Variants in TBL1XR1 observed in about 807,000 individuals in gnomAD.
TBL1XR1 encodes the protein TBL1X/Y related 1.
Under a neutral mutation model 66.9 loss-of-function variants are expected in TBL1XR1, and 5 were observed. That is an observed-to-expected ratio of 0.07 (90% CI 0.04 to 0.16). TBL1XR1 has a LOEUF of 0.16. Among genes scored for constraint, TBL1XR1 ranks in the 10% least tolerant of loss-of-function variants. The pLI is 1.00. For synonymous variants in TBL1XR1, 210 were observed against 206.0 expected, an observed-to-expected ratio of 1.02 and a Z score of -0.17; for missense variants, 238 against 623.2, an observed-to-expected ratio of 0.38 and a Z score of 6.58.
chr3:177,081,700 T>A (rs907955683), intron 2 of TBL1XR1, among the ~76,000 whole-genome samples: 6 of 149,452 alleles, frequency 4.0e-5, no homozygotes, highest in African/African-American at 1.5e-4. Flanking sequence ...GTGACTGCGC[T>A]GCATGCACTC....
chr3:177,112,107 A>ATATATATATATATATATTT, intron 1 of TBL1XR1, among the ~76,000 whole-genome samples: 2 of 37,646 alleles, frequency 5.3e-5, no homozygotes, highest in Non-Finnish European at 4.5e-5. Flanking sequence ...ATATATATAT[A>ATATATATATATATATATTT]TTTTTTTTTT....
intron 1 of TBL1XR1, among the ~76,000 whole-genome samples, chr3:177,125,001 C>T (rs1727435482): frequency 6.6e-6 from 1 of 151,782 alleles, no homozygotes; most frequent in Admixed American, 6.6e-5. Context: ...ATCTTTATGA[C>T]CTTGGATTAG....
chr3:177,095,215 AG>A (rs904883185), intron 2 of TBL1XR1, among the ~76,000 whole-genome samples: 22 of 151,658 alleles, frequency 1.5e-4, no homozygotes, highest in South Asian at 4.2e-4. Flanking sequence ...CTAGGGGGAG[AG>A]GGGGGTGTTG....
chr3:177,120,893 A>G (rs1726907024), intron 1 of TBL1XR1: 1 of 152,188 alleles, frequency 6.6e-6, no homozygotes. Context: ...AAAGACAGGA[A>G]TTTACTGGTC....
At chr3:177,192,837 C>T (rs1037259409) in intron 1 of TBL1XR1, among the ~76,000 whole-genome samples, 1 of 152,082 alleles carries the variant, frequency 6.6e-6, no homozygotes, top group African/African-American at 2.4e-5. Context: ...GTTGACTGTC[C>T]CCTTACACTG....
intron 1 of TBL1XR1, among the ~76,000 whole-genome samples, chr3:177,172,929 T>C (rs976545460): frequency 1.7e-4 from 26 of 152,106 alleles, no homozygotes; most frequent in African/African-American, 6.0e-4. Context: ...TCCCAGCACT[T>C]TGGGAGGCCA....
chr3:177,063,800 C>T (rs377755168), intron 3 of TBL1XR1, among the ~76,000 whole-genome samples: 53 of 152,248 alleles, frequency 3.5e-4, no homozygotes, highest in African/African-American at 1.1e-3. Context: ...CTCTCTTTCC[C>T]TCCCTGTCCT....
chr3:177,123,337 A>G (rs1727216801), intron 1 of TBL1XR1, among the ~76,000 whole-genome samples: 1 of 152,110 alleles, frequency 6.6e-6, no homozygotes, highest in South Asian at 2.1e-4. Flanking sequence ...ATTGATTTAC[A>G]TCACTCATTG....
chr3:177,061,044 G>A (rs751863258), intron 3 of TBL1XR1, among the ~76,000 whole-genome samples: 17 of 152,316 alleles, frequency 1.1e-4, no homozygotes, highest in Non-Finnish European at 1.9e-4. Flanking sequence ...AGTAATTTGC[G>A]TAGGGTGAAC....
intron 1 of TBL1XR1, among the ~76,000 whole-genome samples, chr3:177,143,236 A>G (rs1729834866): frequency 6.6e-6 from 1 of 152,088 alleles, no homozygotes; most frequent in Admixed American, 6.5e-5. Context: ...TGATCAGCTG[A>G]CAAAAATGTT....
chr3:177,144,494 C>T (rs1730008833), intron 1 of TBL1XR1, among the ~76,000 whole-genome samples: 1 of 152,084 alleles, frequency 6.6e-6, no homozygotes, highest in South Asian at 2.1e-4. Flanking sequence ...TGGCTCACGC[C>T]TGTAATCCCA....
intron 1 of TBL1XR1, among the ~76,000 whole-genome samples, chr3:177,175,405 G>A (rs1018127416): frequency 6.6e-6 from 1 of 152,096 alleles, no homozygotes; most frequent in African/African-American, 2.4e-5. Context: ...GAACTCACAA[G>A]TTTAATGAAT....
intron 10 of TBL1XR1, among the ~76,000 whole-genome samples, chr3:177,045,437 G>A (rs977634761): frequency 4.6e-5 from 7 of 152,072 alleles, no homozygotes; most frequent in Non-Finnish European, 1.0e-4. Flanking sequence ...CAAAAATATG[G>A]CTGGCTCTAC....
chr3:177,103,638 A>G (rs1004426697), intron 1 of TBL1XR1, among the ~76,000 whole-genome samples: 21 of 152,194 alleles, frequency 1.4e-4, no homozygotes, highest in African/African-American at 5.1e-4. Flanking sequence ...TTTAATTTAT[A>G]GATAACTTTG....
Position 177,138,102 on chromosome 3 carries a change from G to C in TBL1XR1, c.-121-39561C>G, listed in dbSNP as rs540973834. Among the ~76,000 whole-genome samples, 5 of 152,272 alleles carry C rather than the reference G, an allele frequency of 3.3e-5. No homozygotes were observed. The South Asian group carries it at 1.0e-3, about 32-fold the overall frequency. On this transcript the variant is annotated intron_variant, in intron 1 of 15. Coordinates refer to ENST00000457928, the MANE Select transcript of TBL1XR1 (RefSeq NM_024665.7). Reference sequence around the variant, plus strand: ...AAAACCCACGTTTAAGACATGAAAGGCTTTTCAAGGCCACACTAGAGAAGT... The same window carrying C: ...AAAACCCACGTTTAAGACATGAAAGCCTTTTCAAGGCCACACTAGAGAAGT...
intron 1 of TBL1XR1, among the ~76,000 whole-genome samples, chr3:177,129,344 A>G (rs1345655716): frequency 1.3e-5 from 2 of 152,224 alleles, no homozygotes; most frequent in Middle Eastern, 3.2e-3. Context: ...CAGCTTACAG[A>G]AAATAAAAAT....
chr3:177,104,587 C>T (rs1181562110), intron 1 of TBL1XR1, among the ~76,000 whole-genome samples: 4 of 152,186 alleles, frequency 2.6e-5, no homozygotes, highest in Non-Finnish European at 5.9e-5. Flanking sequence ...TGTCAGATCA[C>T]GCACAGCTTT....
At position 177,038,073 on chromosome 3, in the gene TBL1XR1, C is replaced by T. The variant is rs1218157279; in HGVS notation, c.1122+25G>A. ...ACCATACTGTGTGACACCGCCAACC[C>T]ATTTCTCCCTACTAAGCAAATTACC... On this transcript the variant is annotated intron_variant, in intron 12 of 15. Transcript: ENST00000457928. 6 of 1,608,606 alleles carry T rather than the reference C, an allele frequency of 3.7e-6. No homozygotes were observed. The East Asian group carries it at 8.9e-5, about 24-fold the overall frequency.
chr3:177,191,821 T>C (rs567334734), intron 1 of TBL1XR1, among the ~76,000 whole-genome samples: 3 of 152,124 alleles, frequency 2.0e-5, no homozygotes, highest in Non-Finnish European at 4.4e-5. Flanking sequence ...TTTAAAGAGT[T>C]TGCCTGGCAC....
Sources: allele counts gnomAD v4.1 joint callset (sites outside exome capture counted in the v4.1 genomes callset), GRCh38; gene constraint gnomAD v4.1.1; transcripts MANE v1.5; gene names NCBI Gene and HGNC (gene_info 2026-07-23, HGNC 2026-07-21).